NDST1: variants seen among roughly 807,000 people sequenced by gnomAD.
NDST1 encodes bifunctional heparan sulfate N-deacetylase/N-sulfotransferase 1.
NDST1 carries 35 observed loss-of-function variants against 92.8 expected under a neutral mutation model. That is an observed-to-expected ratio of 0.38 (90% CI 0.29 to 0.50). The LOEUF (loss-of-function observed/expected upper bound fraction) is 0.50, where lower values mean the gene tolerates loss of function less well. Ranked by LOEUF, NDST1 falls within the 20% of genes least tolerant of loss-of-function variation. The probability of loss-of-function intolerance (pLI) is 0.94; values close to 1 mark genes in which losing one functional copy is unlikely to be tolerated. For missense variants in NDST1, 822 were observed against 1,182.7 expected (o/e 0.69, Z 4.47); for synonymous variants, 493 against 500.3 (o/e 0.99, Z 0.19).
rs1227839785 is a variant in NDST1 at position 150,527,920 on chromosome 5, G to T, written c.630G>T (p.Thr210=). The T allele has an allele frequency of 6.2e-7, 1 of 1,614,088 alleles. No individual in the cohort carries two copies. The highest frequency in any genetic ancestry group is 8.5e-7 in the Non-Finnish European group (1 of 1,180,052). Residue 210 remains threonine (T), a synonymous_variant, in exon 3 of 15, where the codon ACG becomes ACT. Coordinates refer to ENST00000261797, the MANE Select transcript of NDST1 (RefSeq NM_001543.5). ...CCAAGTCCCCGCTGCTCTACGTGAC[G>T]CGACCTAGCGAGGTGGAGAAAGGTG... The part of the protein sequence containing the change: ...INPKSPLLYV[T]RPSEVEKGVL...
At chr5:150,538,831 A>G (rs1755109246) in intron 6 of NDST1, among the ~76,000 whole-genome samples, 1 of 152,244 alleles carries the variant, frequency 6.6e-6, no homozygotes, top group African/African-American at 2.4e-5. Flanking sequence ...GACAGACGAC[A>G]AATGGCTAAG....
At chr5:150,539,773 G>C in intron 7 of NDST1, 8 of 985,302 alleles carry the variant, frequency 8.1e-6, no homozygotes, top group Non-Finnish European at 9.6e-6. Context: ...TTGTTATTCA[G>C]CTCTGTGGGC....
chr5:150,502,696 C>T (rs979315283), intron 1 of NDST1, among the ~76,000 whole-genome samples: 2 of 152,164 alleles, frequency 1.3e-5, no homozygotes, highest in Admixed American at 6.5e-5. Context: ...CTTTTCTCTT[C>T]CTTTTGGACG....
chr5:150,506,249 A>G (rs755234573), upstream of NDST1, among the ~76,000 whole-genome samples: 12 of 152,062 alleles, frequency 7.9e-5, no homozygotes, highest in Non-Finnish European at 1.5e-4. Flanking sequence ...ATAACTGACT[A>G]TAGGCACACG....
chr5:150,548,071 C>T (rs539825695), intron 11 of NDST1, 147 bp from the exon 12 acceptor site: 2 of 872,796 alleles, frequency 2.3e-6, no homozygotes, highest in South Asian at 2.9e-5. Context: ...TGACACTGGA[C>T]ACAGTGAGAG....
Position 150,535,345 on chromosome 5 carries a change from T to C in NDST1, c.1251+324T>C, listed in dbSNP as rs909538905. 3.0e-6 allele frequency: 3 copies of C among 985,222 alleles called. No homozygotes were observed. The Admixed American group carries it at 1.8e-4, about 61-fold the overall frequency. The allele number at this position is 985,222 out of a possible 1,614,324, so 61.0% of individuals were successfully genotyped here. A position where few individuals can be genotyped will look rare whatever the true frequency, so the allele number is the denominator to read the frequency against. ...GGCTCTGGAAAGCTGGAAGAGGTGG[T>C]CAATGAGGAGGGAACGAGCCCTAGG... On this transcript the variant is annotated intron_variant, in intron 5 of 14. Transcript: ENST00000261797.
rs763032316 is a variant in NDST1 at position 150,521,637 on chromosome 5, A to G, written c.383A>G (p.Lys128Arg). ...GGTGACATGCCCACGCTCACTGACA[A>G]GGGCCGTGGCCGCTTCGCCCTCATC... ...GKGDMPTLTD[K>R]GRGRFALIIY... The change falls in exon 2 of 15, where the codon AAG becomes AGG. Residue 128 changes from lysine to arginine, a missense_variant. Coordinates refer to ENST00000261797, the MANE Select transcript of NDST1 (RefSeq NM_001543.5). The surrounding 1 kb of genome is among the most constrained non-coding windows in gnomAD (Gnocchi z 5.9). The G allele has an allele frequency of 2.5e-6, 4 of 1,613,952 alleles. No individual in the cohort carries two copies. Among genetic ancestry groups the G allele is most frequent in the Non-Finnish European group, 3.4e-6 (4 of 1,180,048 alleles).
chr5:150,539,390 A>C, intron 7 of NDST1, 34 bp downstream of exon 7: 1 of 1,613,222 alleles, frequency 6.2e-7, no homozygotes, highest in Non-Finnish European at 8.5e-7. Flanking sequence ...TGCTGGTGAG[A>C]AGGGGCTGCT....
At chr5:150,528,747 A>T (rs538677670) in intron 3 of NDST1, among the ~76,000 whole-genome samples, 327 of 152,318 alleles carry the variant, frequency 2.1e-3, no homozygotes, top group African/African-American at 7.5e-3. Flanking sequence ...GTGAGCCGAG[A>T]TTGTGCCACT....
chr5:150,506,494 A>G (rs769399016), upstream of NDST1, among the ~76,000 whole-genome samples: 2 of 152,058 alleles, frequency 1.3e-5, no homozygotes, highest in Admixed American at 1.3e-4. Flanking sequence ...TAGGACTGGA[A>G]CCCTGGTCTC....
At chr5:150,503,890 G>A (rs1284825277), upstream of NDST1, among the ~76,000 whole-genome samples, 1 of 152,170 alleles carries the variant, frequency 6.6e-6, no homozygotes, top group African/African-American at 2.4e-5. Flanking sequence ...GTGAGGGAAG[G>A]GCTTTGGGGG....
At position 150,535,758 on chromosome 5, in the gene NDST1, A is replaced by T. The variant is rs1440221859; in HGVS notation, c.1310A>T (p.Tyr437Phe). 6.2e-7 allele frequency: 1 copy of T among 1,613,970 alleles called. No homozygotes were observed. Among genetic ancestry groups the T allele is most frequent in the East Asian group, 2.2e-5 (1 of 44,886 alleles). The part of the protein sequence containing the change: ...YAVAPHHSGV[Y>F]PVHVQLYEAW... ...GTGGCGCCCCACCACTCGGGCGTGTACCCCGTGCACGTGCAGCTGTACGAG... is the reference window on the plus strand; with the variant it reads ...GTGGCGCCCCACCACTCGGGCGTGTTCCCCGTGCACGTGCAGCTGTACGAG... The change falls in exon 6 of 15, where the codon TAC (tyrosine) becomes TTC (phenylalanine). Residue 437 changes from tyrosine (Y) to phenylalanine (F), a missense_variant. Tyr to Phe is a conservative substitution (Grantham distance 22). Transcript: ENST00000261797.
Position 150,534,001 on chromosome 5 carries a change from T to C in NDST1, c.1097-866T>C, listed in dbSNP as rs563308118. On this transcript the variant is annotated intron_variant, in intron 4 of 14. Coordinates refer to ENST00000261797, the MANE Select transcript of NDST1 (RefSeq NM_001543.5). ...GGGAGGCTAAGTCAGGAGGATTGCTTGATCCCAGGAGTTCAAGGCTGCAGT... is the reference window on the plus strand; with the variant it reads ...GGGAGGCTAAGTCAGGAGGATTGCTCGATCCCAGGAGTTCAAGGCTGCAGT... 5.1e-4 allele frequency among the ~76,000 whole-genome samples: 77 copies of C among 151,640 alleles called. 1 individual carries two copies. The highest frequency in any genetic ancestry group is 3.4e-3 in the Middle Eastern group (1 of 294).
chr5:150,533,137 A>G (rs1432211820), intron 4 of NDST1, 105 bp downstream of exon 4: 2 of 1,132,588 alleles, frequency 1.8e-6, no homozygotes, highest in Non-Finnish European at 2.7e-6. Flanking sequence ...TTACTGGCCC[A>G]CATTAGAGGC....
Position 150,527,691 on chromosome 5 carries a change from T to C in NDST1, c.514-113T>C, listed in dbSNP as rs1754535564. ...CAGGGCCAGGGTGGTGAGCCCTCCA[T>C]GAATGTTGGTGAATATTGATACCAC... On this transcript the variant is annotated intron_variant, in intron 2 of 14. Coordinates refer to ENST00000261797, the MANE Select transcript of NDST1 (RefSeq NM_001543.5). 3 of 1,495,872 alleles carry C rather than the reference T, an allele frequency of 2.0e-6. No homozygotes were observed. In the South Asian group the frequency reaches 3.6e-5, roughly 18 times the overall value. The allele number at this position is 1,495,872 out of a possible 1,614,324, so 92.7% of individuals were successfully genotyped here.
At position 150,535,697 on chromosome 5, in the gene NDST1, T is replaced by C. The variant is rs773976115; in HGVS notation, c.1252-3T>C. 8.1e-6 allele frequency: 13 copies of C among 1,614,146 alleles called. No homozygotes were observed. The Admixed American group carries it at 1.8e-4, about 23-fold the overall frequency. ...CACCCTGGCCTGGTCATCCTCTCCC[T>C]AGGAGCATGGCATTCCCACAGACAT... On this transcript the variant is annotated splice_region_variant and splice_polypyrimidine_tract_variant and intron_variant, in intron 5 of 14. Coordinates refer to ENST00000261797, the MANE Select transcript of NDST1 (RefSeq NM_001543.5).
In NDST1 at chr5:150,539,713, GCAAA is replaced by G. The variant is rs1755158952; in HGVS notation, c.1566+361_1567-362del. On this transcript the variant is annotated intron_variant, in intron 7 of 14. Coordinates refer to ENST00000261797, the MANE Select transcript of NDST1 (RefSeq NM_001543.5). The stretch of plus-strand genomic sequence containing the variant: ...GTCTCGCTTTCCTTATTTGTAAAAT[GCAAA>G]CAATTACCTCTGCTTTAATAATATT... The G allele has an allele frequency of 1.1e-5, 11 of 984,850 alleles. No individual in the cohort carries two copies. The South Asian group carries it at 3.8e-4, about 34-fold the overall frequency. 61.0% of individuals were successfully genotyped at this position (984,850 alleles called of 1,614,324 possible).
At chr5:150,531,425 G>T (rs1271104316) in intron 3 of NDST1, among the ~76,000 whole-genome samples, 1 of 152,132 alleles carries the variant, frequency 6.6e-6, no homozygotes, top group Non-Finnish European at 1.5e-5. Context: ...TACATTGCCT[G>T]GGGAGGGCCA....
chr5:150,502,768 C>T (rs954286380), intron 1 of NDST1, among the ~76,000 whole-genome samples: 1 of 151,258 alleles, frequency 6.6e-6, no homozygotes, highest in Admixed American at 6.6e-5. Context: ...TTCTGCCTGG[C>T]ATGCCTCCTG....
Sources: gnomAD v4.1 joint callset for allele counts (sites outside exome capture counted in the v4.1 genomes callset) on GRCh38, gnomAD v4.1.1 for gene constraint, Gnocchi (gnomAD v3.1) non-coding constraint, MANE v1.5 for transcripts, NCBI Gene and HGNC (gene_info 2026-07-23, HGNC 2026-07-21) for gene names.